Variants in LTBP1 observed in about 807,000 individuals in gnomAD.
LTBP1 encodes latent transforming growth factor beta binding protein 1, also known as latent-transforming growth factor beta-binding protein 1.
In LTBP1, 129 loss-of-function variants were observed where a neutral mutation model predicts 207.6. The observed-to-expected ratio is 0.62, with a 90% CI of 0.54 to 0.72. The LOEUF is 0.72. LTBP1 is among the 30% of genes least tolerant of loss of function. The probability of loss-of-function intolerance (pLI) is 0.00; values close to 1 mark genes in which losing one functional copy is unlikely to be tolerated. For missense variants in LTBP1, 2,281 were observed against 2,217.2 expected, an observed-to-expected ratio of 1.03 and a Z score of -0.58; for synonymous variants, 963 against 833.7, an observed-to-expected ratio of 1.16 and a Z score of -2.67.
intron 3 of LTBP1, among the ~76,000 whole-genome samples, chr2:33,087,083 GCTTTTTTTT>G (rs766845101): frequency 3.0e-5 from 1 of 33,100 alleles, no homozygotes; most frequent in Non-Finnish European, 7.1e-5. Context: ...CCTCCTTTAT[GCTTTTTTTT>G]TTTTTTTTTT....
At chr2:33,315,342 A>T (rs2094253669) in intron 24 of LTBP1, 73 bp downstream of exon 24, 3 of 1,564,896 alleles carry the variant, frequency 1.9e-6, no homozygotes, top group Admixed American at 1.9e-5. Flanking sequence ...TTATACAAAG[A>T]CTTGAAGACA....
At chr2:33,230,015 G>A (rs368706804) in intron 9 of LTBP1, among the ~76,000 whole-genome samples, 1 of 152,160 alleles carries the variant, frequency 6.6e-6, no homozygotes, top group Non-Finnish European at 1.5e-5. Context: ...CACTCCCTTT[G>A]TGATATTGAT....
chr2:33,172,862 G>A (rs1407221968), intron 5 of LTBP1, among the ~76,000 whole-genome samples: 7 of 152,064 alleles, frequency 4.6e-5, no homozygotes, highest in Non-Finnish European at 8.8e-5. Flanking sequence ...ACTCAAAACT[G>A]CTCAACTACA....
chr2:33,388,848 A>C (rs2095290127), intron 31 of LTBP1, among the ~76,000 whole-genome samples: 2 of 152,164 alleles, frequency 1.3e-5, no homozygotes, highest in Non-Finnish European at 2.9e-5. Context: ...TGATGGCTTT[A>C]GATAAAGCCA....
intron 3 of LTBP1, among the ~76,000 whole-genome samples, chr2:33,075,033 A>G (rs527919199): frequency 6.6e-6 from 1 of 152,360 alleles, no homozygotes; most frequent in South Asian, 2.1e-4. Flanking sequence ...CCTGGGTGAC[A>G]AAGTGAGACT....
chr2:33,223,484 G>T (rs1400210794), intron 9 of LTBP1, among the ~76,000 whole-genome samples: 1 of 152,030 alleles, frequency 6.6e-6, no homozygotes, highest in Non-Finnish European at 1.5e-5. Flanking sequence ...TAGTAACATG[G>T]GAATAGTGGA....
intron 24 of LTBP1, among the ~76,000 whole-genome samples, chr2:33,341,729 A>AAAAAAAAAATATAT (rs745445793): frequency 7.5e-5 from 7 of 93,636 alleles, no homozygotes; most frequent in African/African-American, 3.1e-4. Context: ...AAAAAAAAAA[A>AAAAAAAAAATATAT]ATATATATAT....
chr2:33,182,581 G>A (rs1304646122), intron 5 of LTBP1, among the ~76,000 whole-genome samples: 2 of 149,958 alleles, frequency 1.3e-5, no homozygotes, highest in Non-Finnish European at 3.0e-5. Context: ...AGAATGGCAC[G>A]AACCCAGGAG....
At chr2:33,033,690 C>G (rs2075789704) in intron 3 of LTBP1, among the ~76,000 whole-genome samples, 1 of 151,012 alleles carries the variant, frequency 6.6e-6, no homozygotes, top group African/African-American at 2.4e-5. Context: ...GCTGGATGGA[C>G]TTTCTTTTGT....
At chr2:33,320,241 C>T (rs527844239) in intron 24 of LTBP1, among the ~76,000 whole-genome samples, 1 of 152,016 alleles carries the variant, frequency 6.6e-6, no homozygotes, top group East Asian at 1.9e-4. Flanking sequence ...TGGCCGTGCA[C>T]ACCTGTAATT....
intron 32 of LTBP1, among the ~76,000 whole-genome samples, chr2:33,393,673 T>G (rs1174096610): frequency 2.0e-5 from 3 of 152,238 alleles, no homozygotes; most frequent in Non-Finnish European, 2.9e-5. Context: ...TGCCACATTT[T>G]CTTAATCCAG....
At chr2:33,135,094 T>G in intron 5 of LTBP1, 134 bp downstream of exon 5, 2 of 923,994 alleles carry the variant, frequency 2.2e-6, no homozygotes, top group Non-Finnish European at 3.1e-6. Context: ...TATGTTTCTT[T>G]CATGGGATCT....
rs550155549 is a variant in LTBP1 at position 33,283,961 on chromosome 2, G to C, written c.3112+3803G>C. ...TAACATTTCTTAAATTTCACATTAT[G>C]CTTATAGTTTTTTTTCTAAACTGGT... On this transcript the variant is annotated intron_variant, in intron 19 of 33. Transcript: ENST00000404816. Among the ~76,000 whole-genome samples the C allele has an allele frequency of 2.6e-5, 4 of 152,122 alleles. No individual in the cohort carries two copies. The South Asian group carries it at 8.3e-4, about 32-fold the overall frequency.
intron 3 of LTBP1, among the ~76,000 whole-genome samples, chr2:33,106,230 G>C (rs954796825): frequency 3.9e-5 from 6 of 152,174 alleles, no homozygotes; most frequent in Non-Finnish European, 8.8e-5. Context: ...CTGAAGTCTT[G>C]AACTTTTGAC....
At chr2:33,170,166 G>T (rs1226863878) in intron 5 of LTBP1, among the ~76,000 whole-genome samples, 1 of 152,184 alleles carries the variant, frequency 6.6e-6, no homozygotes, top group Admixed American at 6.5e-5. Context: ...GACAGTGGGT[G>T]CAGTGCACCG....
At chr2:33,383,420 CTCT>C (rs2095238262) in intron 31 of LTBP1, among the ~76,000 whole-genome samples, 1 of 152,208 alleles carries the variant, frequency 6.6e-6, no homozygotes, top group Non-Finnish European at 1.5e-5. Flanking sequence ...TCATTTCATT[CTCT>C]TTATCTCCTC....
At chr2:33,279,887 A>T in intron 18 of LTBP1, 152 bp from the exon 19 acceptor site, 2 of 692,536 alleles carry the variant, frequency 2.9e-6, no homozygotes, top group Non-Finnish European at 4.9e-6. Context: ...CCATGTATTT[A>T]AGTATAGACC....
At chr2:33,254,354 G>A (rs770702508) in intron 11 of LTBP1, among the ~76,000 whole-genome samples, 7 of 152,002 alleles carry the variant, frequency 4.6e-5, no homozygotes, top group Non-Finnish European at 8.8e-5. Flanking sequence ...GGGTAAAAGT[G>A]GAAGCTCAAT....
intron 2 of LTBP1, among the ~76,000 whole-genome samples, chr2:32,996,761 C>T (rs1282484224): frequency 6.6e-6 from 1 of 152,140 alleles, no homozygotes; most frequent in Non-Finnish European, 1.5e-5. Context: ...ATGTGTAGTC[C>T]AAGGTTGACT....
Sources: allele counts gnomAD v4.1 joint callset (sites outside exome capture counted in the v4.1 genomes callset), GRCh38; gene constraint gnomAD v4.1.1; transcripts MANE v1.5; gene names NCBI Gene and HGNC (gene_info 2026-07-23, HGNC 2026-07-21).